Variants in CNTLN observed in about 807,000 individuals in gnomAD.
CNTLN encodes the protein centlein, also known as centlein, centrosomal protein.
Under a neutral mutation model 180.0 loss-of-function variants are expected in CNTLN, and 212 were observed. That is an observed-to-expected ratio of 1.18 (90% confidence interval 1.05 to 1.32). The LOEUF is 1.32. Among genes scored for constraint, CNTLN ranks in the 40% most tolerant of loss-of-function variants. The pLI is 0.00. For synonymous variants in CNTLN, 722 were observed against 563.1 expected (o/e 1.28, Z -3.99); for missense variants, 2,095 against 1,610.9 (o/e 1.30, Z -5.14).
chr9:17,245,132 A>C (rs901346013), intron 5 of CNTLN, among the ~76,000 whole-genome samples: 8 of 152,136 alleles, frequency 5.3e-5, no homozygotes, highest in African/African-American at 1.7e-4. Flanking sequence ...TATTATTGCC[A>C]GTGAGCTTTG....
At chr9:17,216,770 A>C (rs1251273899) in intron 2 of CNTLN, among the ~76,000 whole-genome samples, 1 of 152,160 alleles carries the variant, frequency 6.6e-6, no homozygotes, top group Non-Finnish European at 1.5e-5. Context: ...CAGCTGCTAT[A>C]TGGTTGTACC....
intron 2 of CNTLN, among the ~76,000 whole-genome samples, chr9:17,183,802 T>TA (rs1821267101): frequency 6.6e-6 from 1 of 152,088 alleles, no homozygotes; most frequent in Non-Finnish European, 1.5e-5. Context: ...TATTTGAAAA[T>TA]ACCTGGAGGC....
At chr9:17,198,201 T>A (rs1432958675) in intron 2 of CNTLN, among the ~76,000 whole-genome samples, 2 of 152,132 alleles carry the variant, frequency 1.3e-5, no homozygotes, top group African/African-American at 4.8e-5. Flanking sequence ...GCTCAGGATA[T>A]CTTTGGCTAT....
intron 2 of CNTLN, among the ~76,000 whole-genome samples, chr9:17,207,313 T>A (rs1176781894): frequency 6.6e-6 from 1 of 152,236 alleles, no homozygotes; most frequent in Non-Finnish European, 1.5e-5. Flanking sequence ...GTGCCTTTTC[T>A]TCTTCCCTTG....
chr9:17,328,431 C>T (rs1416746770), intron 8 of CNTLN, among the ~76,000 whole-genome samples: 2 of 152,186 alleles, frequency 1.3e-5, no homozygotes, highest in Non-Finnish European at 2.9e-5. Flanking sequence ...ACATTCTTCC[C>T]TGAAAACAAT....
At chr9:17,383,926 C>T (rs1332682024) in intron 13 of CNTLN, among the ~76,000 whole-genome samples, 1 of 152,106 alleles carries the variant, frequency 6.6e-6, no homozygotes, top group African/African-American at 2.4e-5. Context: ...GCGTGAGCCA[C>T]CTTGCCCGGC....
At chr9:17,339,912 G>T (rs906188307) in intron 10 of CNTLN, among the ~76,000 whole-genome samples, 1 of 152,118 alleles carries the variant, frequency 6.6e-6, no homozygotes, top group Non-Finnish European at 1.5e-5. Context: ...CCAGCATTTT[G>T]GGAGGCTGAG....
Position 17,441,723 on chromosome 9 carries a change from G to A in CNTLN, c.3115-15801G>A, listed in dbSNP as rs190504773. ...TCACCATCAGTAATTAAATATAAAT[G>A]GATTACATTCCCCAGTCAAGAGATG... On this transcript the variant is annotated intron_variant, in intron 18 of 25. Coordinates refer to ENST00000380647, the MANE Select transcript of CNTLN (RefSeq NM_017738.4). Among the ~76,000 whole-genome samples, 33 of 151,838 alleles carry A rather than the reference G, an allele frequency of 2.2e-4. 1 individual carries two copies. The highest frequency in any genetic ancestry group is 2.2e-3 in the Admixed American group (33 of 15,236).
At position 17,464,523 on chromosome 9, in the gene CNTLN, C is replaced by T. The variant is rs757062541; in HGVS notation, c.3431C>T (p.Thr1144Ile). 2.0e-6 allele frequency: 3 copies of T among 1,522,936 alleles called. No individual in the cohort carries two copies. The highest frequency in any genetic ancestry group is 1.3e-5 in the South Asian group (1 of 77,442). 94.3% of individuals were successfully genotyped at this position (1,522,936 alleles called of 1,614,324 possible). A position where few individuals can be genotyped will look rare whatever the true frequency, so the allele number is the denominator to read the frequency against. The stretch of plus-strand genomic sequence containing the variant: ...ATATCTCGAATGGAGAGGGATATAA[C>T]TATGAAAAGACATTTGATAGAGGAC... ...EKISRMERDI[T>I]MKRHLIEDLK... Residue 1144 changes from threonine (T) to isoleucine (I), a missense_variant, in exon 21 of 26, where the codon ACT becomes ATT. Thr to Ile is a moderately conservative substitution (Grantham distance 89, BLOSUM62 -1). Coordinates refer to ENST00000380647, the MANE Select transcript of CNTLN (RefSeq NM_017738.4).
At chr9:17,341,056 T>A in intron 11 of CNTLN, 108 bp downstream of exon 11, 1 of 982,898 alleles carries the variant, frequency 1.0e-6, no homozygotes, top group Non-Finnish European at 1.4e-6. Context: ...AATTATTTGG[T>A]AGTCAAATCT....
chr9:17,291,287 T>A (rs1440325224), intron 6 of CNTLN, among the ~76,000 whole-genome samples: 1 of 152,136 alleles, frequency 6.6e-6, no homozygotes, highest in African/African-American at 2.4e-5. Flanking sequence ...ATTCCATTGT[T>A]TTTGGGTGGA....
At chr9:17,235,437 T>A (rs1370869441) in intron 3 of CNTLN, among the ~76,000 whole-genome samples, 1 of 152,172 alleles carries the variant, frequency 6.6e-6, no homozygotes, top group Non-Finnish European at 1.5e-5. Context: ...ATATTTAATA[T>A]CCAGTTTTTA....
chr9:17,254,027 G>T (rs1234702873), intron 5 of CNTLN, among the ~76,000 whole-genome samples: 2 of 151,530 alleles, frequency 1.3e-5, no homozygotes, highest in Admixed American at 6.6e-5. Context: ...TATTAATTGA[G>T]ATGATCAGAT....
chr9:17,250,979 C>G (rs1173353156), intron 5 of CNTLN, among the ~76,000 whole-genome samples: 2 of 151,946 alleles, frequency 1.3e-5, no homozygotes, highest in Non-Finnish European at 2.9e-5. Context: ...TTGTAAATGT[C>G]TTAATTTCTC....
chr9:17,336,572 C>T (rs997861693), intron 10 of CNTLN, among the ~76,000 whole-genome samples: 18 of 152,146 alleles, frequency 1.2e-4, no homozygotes, highest in African/African-American at 4.1e-4. Flanking sequence ...AAATGATTTG[C>T]AAATAATAGC....
chr9:17,269,211 A>G (rs1827755707), intron 5 of CNTLN, among the ~76,000 whole-genome samples: 1 of 152,120 alleles, frequency 6.6e-6, no homozygotes, highest in Non-Finnish European at 1.5e-5. Flanking sequence ...TATCTCTTCC[A>G]AATCCAACTC....
chr9:17,437,386 C>T (rs1206772986), intron 18 of CNTLN, among the ~76,000 whole-genome samples: 1 of 152,098 alleles, frequency 6.6e-6, no homozygotes, highest in African/African-American at 2.4e-5. Context: ...AATATGTGAC[C>T]TGAATAGCAT....
chr9:17,314,448 A>C (rs1234060226), intron 8 of CNTLN, among the ~76,000 whole-genome samples: 1 of 152,202 alleles, frequency 6.6e-6, no homozygotes, highest in Non-Finnish European at 1.5e-5. Context: ...CCTGCGTCCC[A>C]ACAGGTGGGT....
chr9:17,450,249 G>T (rs16935644), intron 18 of CNTLN, among the ~76,000 whole-genome samples: 8,913 of 152,148 alleles, frequency 0.059, 879 homozygotes, highest in African/African-American at 0.2. Context: ...GTGTCATGCT[G>T]TGTCTTTAAT....
Sources: allele counts gnomAD v4.1 joint callset (sites outside exome capture counted in the v4.1 genomes callset), GRCh38; gene constraint gnomAD v4.1.1; transcripts MANE v1.5; gene names NCBI Gene and HGNC (gene_info 2026-07-23, HGNC 2026-07-21).